The following UGT1A8 variants were observed in gnomAD, a reference collection of about 807,000 sequenced individuals.
The protein encoded by UGT1A8 is UDP-glucuronosyltransferase 1A8.
UGT1A8 carries 39 observed loss-of-function variants against 45.3 expected under a neutral mutation model. The ratio of observed to expected loss-of-function variants is 0.86; its 90% confidence interval spans 0.67 to 1.12. UGT1A8 has a LOEUF of 1.12. Among genes scored for constraint, UGT1A8 ranks in the 50% most tolerant of loss-of-function variants. UGT1A8 has a pLI of 0.00. For synonymous variants in UGT1A8, 275 were observed against 249.2 expected, an observed-to-expected ratio of 1.10 and a Z score of -0.97; for missense variants, 719 against 664.9, an observed-to-expected ratio of 1.08 and a Z score of -0.90.
At chr2:233,691,095 C>T in intron 1 of UGT1A8, 1 of 986,058 alleles carries the variant, frequency 1.0e-6, no homozygotes, top group African/African-American at 1.7e-5. Flanking sequence ...ATCTCTTGAT[C>T]CCGCTATTCC....
In UGT1A8 at chr2:233,628,244, A is replaced by G. The variant is rs2073127199; in HGVS notation, c.855+9682A>G. On this transcript the variant is annotated intron_variant, in intron 1 of 4. Transcript: ENST00000373450. ...TTAAAGTAATAAATAATAACATGGT[A>G]TCTGCACATGGTTTCTGCAGTCATG... is the stretch of plus-strand genomic sequence containing the variant. Among the ~76,000 whole-genome samples the G allele has an allele frequency of 2.0e-5, 3 of 152,226 alleles. No homozygotes were observed. In the South Asian group the frequency reaches 6.2e-4, roughly 32 times the overall value.
At chr2:233,724,302 T>A (rs1575551867) in intron 1 of UGT1A8, among the ~76,000 whole-genome samples, 11 of 123,398 alleles carry the variant, frequency 8.9e-5, no homozygotes, top group South Asian at 6.0e-4. Context: ...CCCCCCCACC[T>A]CCCTCCCGGA....
At chr2:233,746,247 A>G (rs939163155) in intron 1 of UGT1A8, among the ~76,000 whole-genome samples, 1 of 151,776 alleles carries the variant, frequency 6.6e-6, no homozygotes, top group Non-Finnish European at 1.5e-5. Context: ...AAAAGATACA[A>G]GGCAGAACAG....
intron 1 of UGT1A8, among the ~76,000 whole-genome samples, chr2:233,724,021 G>T (rs2077154615): frequency 1.2e-5 from 1 of 80,748 alleles, no homozygotes; most frequent in African/African-American, 7.3e-5. Context: ...TTGTCATCCT[G>T]GCCCGTTCTC....
At position 233,664,690 on chromosome 2, in the gene UGT1A8, A is replaced by G. The variant is rs546607580; in HGVS notation, c.855+46128A>G. On this transcript the variant is annotated intron_variant, in intron 1 of 4. Transcript: ENST00000373450. ...ACTATTGCAAGGACAACACAAAGCC[A>G]TGAGGGATCCACCCCCATGATCCAA... is the stretch of plus-strand genomic sequence containing the variant. 2.6e-5 allele frequency among the ~76,000 whole-genome samples: 4 copies of G among 152,314 alleles called. No homozygotes were observed. In the South Asian group the frequency reaches 8.3e-4, roughly 32 times the overall value.
chr2:233,767,835 T>C lies in UGT1A8; in HGVS notation c.988-14T>C. Reference sequence around the variant, plus strand: ...TGTTCTTTCTTTACGTTCTGCTCTTTTTGCCCCTCCCAGGTCCTGTGGCGG... The same window carrying C: ...TGTTCTTTCTTTACGTTCTGCTCTTCTTGCCCCTCCCAGGTCCTGTGGCGG... On this transcript the variant is annotated splice_polypyrimidine_tract_variant and intron_variant, in intron 2 of 4. Coordinates refer to ENST00000373450, the MANE Select transcript of UGT1A8 (RefSeq NM_019076.5). 1.9e-6 allele frequency: 3 copies of C among 1,614,192 alleles called. No homozygotes were observed. Among genetic ancestry groups the C allele is most frequent in the Non-Finnish European group, 2.5e-6 (3 of 1,180,034 alleles).
At chr2:233,636,980 G>A in intron 1 of UGT1A8, 15 of 1,614,080 alleles carry the variant, frequency 9.3e-6, no homozygotes, top group Non-Finnish European at 1.3e-5. Flanking sequence ...TTTGATACCT[G>A]TGGCTTAATT....
intron 1 of UGT1A8, chr2:233,743,646 A>C (rs754114212): frequency 1.5e-6 from 2 of 1,367,250 alleles, no homozygotes; most frequent in Admixed American, 3.8e-5. Context: ...CGGAAGCTGA[A>C]GACGTACTCG....
chr2:233,622,203 GT>G (rs2073020854), intron 1 of UGT1A8, among the ~76,000 whole-genome samples: 4 of 152,144 alleles, frequency 2.6e-5, no homozygotes, highest in African/African-American at 7.2e-5. Flanking sequence ...GTGTGCATGT[GT>G]CTTTATAGTA....
chr2:233,757,541 T>TATACATATACATATAC (rs1229454769), intron 1 of UGT1A8, among the ~76,000 whole-genome samples: 1 of 117,592 alleles, frequency 8.5e-6, no homozygotes, highest in Admixed American at 8.1e-5. Context: ...AAGGAATATA[T>TATACATATACATATAC]ATATATATAT....
chr2:233,640,515 A>C (rs961283646), intron 1 of UGT1A8, among the ~76,000 whole-genome samples: 1 of 152,218 alleles, frequency 6.6e-6, no homozygotes, highest in Non-Finnish European at 1.5e-5. Flanking sequence ...CAATTGCCTC[A>C]TACAACATCT....
chr2:233,713,587 C>T (rs553041215), intron 1 of UGT1A8: 7 of 1,613,978 alleles, frequency 4.3e-6, no homozygotes, highest in East Asian at 2.2e-5. Context: ...AGATTACTAA[C>T]GACCAATTCA....
chr2:233,681,881 T>G lies in UGT1A8; in HGVS notation c.855+63319T>G, dbSNP rs7586110. The G allele has an allele frequency of 0.38, 582,213 of 1,551,906 alleles. 111,779 individuals are homozygous for G. Among genetic ancestry groups the G allele is most frequent in the South Asian group, 0.41 (33,277 of 80,266 alleles). ...CAGGTTCTATCTGTACTTCTTCCAC[T>G]TACTATATTATAGGAGCTTAGAATC... On this transcript the variant is annotated intron_variant, in intron 1 of 4. Coordinates refer to ENST00000373450, the MANE Select transcript of UGT1A8 (RefSeq NM_019076.5).
intron 1 of UGT1A8, among the ~76,000 whole-genome samples, chr2:233,696,091 T>TCAAAA (rs918260053): frequency 2.6e-4 from 39 of 152,170 alleles, no homozygotes; most frequent in Admixed American, 1.9e-3. Flanking sequence ...TGGAGAGTCT[T>TCAAAA]CAAAACAAAA....
At chr2:233,649,460 G>A (rs2073685560) in intron 1 of UGT1A8, among the ~76,000 whole-genome samples, 1 of 152,150 alleles carries the variant, frequency 6.6e-6, no homozygotes, top group Non-Finnish European at 1.5e-5. Context: ...GTTCTTTGCA[G>A]TTTTGTATGC....
chr2:233,695,475 G>C (rs1417810733), intron 1 of UGT1A8, among the ~76,000 whole-genome samples: 1 of 151,104 alleles, frequency 6.6e-6, no homozygotes, highest in Non-Finnish European at 1.5e-5. Flanking sequence ...CCCTTTAGAT[G>C]TTTTTCTCTT....
intron 1 of UGT1A8, among the ~76,000 whole-genome samples, chr2:233,649,748 A>G (rs965457650): frequency 6.6e-6 from 1 of 152,206 alleles, no homozygotes; most frequent in Non-Finnish European, 1.5e-5. Context: ...AGCAGATGTT[A>G]TCTTTCTTTG....
At chr2:233,760,983 C>G in intron 1 of UGT1A8, 2 of 1,614,178 alleles carry the variant, frequency 1.2e-6, no homozygotes, top group African/African-American at 1.3e-5. Context: ...CGTATGCAAC[C>G]CTTGCCTCAG....
intron 1 of UGT1A8, among the ~76,000 whole-genome samples, chr2:233,678,660 A>G (rs1039962711): frequency 2.6e-5 from 4 of 152,204 alleles, no homozygotes; most frequent in African/African-American, 4.8e-5. Flanking sequence ...AAGCATTTCT[A>G]TGAGGCTTGT....
Sources: allele counts gnomAD v4.1 joint callset (sites outside exome capture counted in the v4.1 genomes callset), GRCh38; gene constraint gnomAD v4.1.1; transcripts MANE v1.5; gene names NCBI Gene and HGNC (gene_info 2026-07-23, HGNC 2026-07-21).